Variants in ZNF610 observed in about 807,000 individuals in gnomAD.
The protein encoded by ZNF610 is zinc finger protein 610.
A neutral mutation model predicts 14.1 loss-of-function variants in ZNF610; 14 were observed. The observed-to-expected ratio is 0.99, with a 90% CI of 0.65 to 1.55. The LOEUF is 1.55. Among genes scored for constraint, ZNF610 ranks in the 40% most tolerant of loss-of-function variants. The pLI, the probability that ZNF610 is intolerant of heterozygous loss-of-function variation, is 0.00. For synonymous variants in ZNF610, 185 were observed against 187.6 expected (o/e 0.99, Z 0.11); for missense variants, 530 against 558.0 (o/e 0.95, Z 0.51).
chr19:52,352,900 T>C (rs1449133482), intron 3 of ZNF610, among the ~76,000 whole-genome samples: 1 of 152,166 alleles, frequency 6.6e-6, no homozygotes, highest in East Asian at 1.9e-4. Flanking sequence ...AGTAATTTCT[T>C]AAGGTATGTC....
chr19:52,343,564 CA>C (rs34089619), intron 1 of ZNF610, among the ~76,000 whole-genome samples: 120,569 of 150,114 alleles, frequency 0.8, 49,153 homozygotes, highest in Non-Finnish European at 0.89. Flanking sequence ...GAGACTGTCT[CA>C]AAAAAAAAAA....
At chr19:52,348,314 G>C (rs1985063389) in intron 2 of ZNF610, 1 of 152,124 alleles carries the variant, frequency 6.6e-6, no homozygotes, top group African/African-American at 2.4e-5. Flanking sequence ...ATTTTTAATG[G>C]ATTAATGAAA....
At chr19:52,353,585 C>A in intron 3 of ZNF610, 97 bp from the exon 4 acceptor site, 1 of 1,326,418 alleles carries the variant, frequency 7.5e-7, no homozygotes, top group Non-Finnish European at 1.0e-6. Flanking sequence ...TAATGATCTG[C>A]CATTTTTAAT....
At chr19:52,339,857 C>G (rs1456614323) in intron 1 of ZNF610, among the ~76,000 whole-genome samples, 1 of 152,146 alleles carries the variant, frequency 6.6e-6, no homozygotes, top group African/African-American at 2.4e-5. Flanking sequence ...TGGGGTTTCT[C>G]CATGTTGGTC....
chr19:52,340,844 C>T (rs1374739790), intron 1 of ZNF610, among the ~76,000 whole-genome samples: 4 of 152,044 alleles, frequency 2.6e-5, no homozygotes, highest in Non-Finnish European at 5.9e-5. Flanking sequence ...CCACGCCTGG[C>T]TAATTTGTGT....
Position 52,367,537 on chromosome 19 carries a change from G to T in ZNF610, c.*770G>T, listed in dbSNP as rs910081934. ...GAATAATAACCCATTATGATTTTAA[G>T]GTTGAAGCAGCCAGAAAAGTGTGTG... On this transcript the variant is annotated 3_prime_UTR_variant, in exon 6 of 6. Transcript: ENST00000403906. 1.3e-5 allele frequency: 2 copies of T among 152,158 alleles called. No homozygotes were observed. The highest frequency in any genetic ancestry group is 4.8e-5 in the African/African-American group (2 of 41,432). 9.4% of individuals were successfully genotyped at this position (152,158 alleles called of 1,614,324 possible). A position where few individuals can be genotyped will look rare whatever the true frequency, so the allele number is the denominator to read the frequency against.
rs777069971 is a variant in ZNF610, at chr19:52,365,913, T to C, written c.535T>C (p.Tyr179His). The C allele has an allele frequency of 4.9e-5, 79 of 1,612,576 alleles. No homozygotes were observed. The highest frequency in any genetic ancestry group is 6.2e-5 in the Non-Finnish European group (73 of 1,179,360). ...SSFTTHIFNK[Y>H]RNDLIDFPLL... ...TTTCACAACACACATTTTTAATAAA[T>C]ATAGAAATGATCTTATTGATTTCCC... Residue 179 changes from tyrosine to histidine, a missense_variant, in exon 6 of 6, where the codon TAT (tyrosine) becomes CAT (histidine). Transcript: ENST00000403906.
intron 1 of ZNF610, among the ~76,000 whole-genome samples, chr19:52,339,981 A>G (rs937122644): frequency 6.6e-6 from 1 of 152,162 alleles, no homozygotes; most frequent in African/African-American, 2.4e-5. Flanking sequence ...TTTTATCTGC[A>G]TCTAAACTGA....
chr19:52,365,111 G>C (rs1191551206), intron 5 of ZNF610, among the ~76,000 whole-genome samples: 2 of 152,050 alleles, frequency 1.3e-5, no homozygotes, highest in African/African-American at 2.4e-5. Context: ...AGACGAACGT[G>C]GTGGCGTGCG....
intron 5 of ZNF610, among the ~76,000 whole-genome samples, chr19:52,358,392 C>T (rs1285257455): frequency 6.6e-6 from 1 of 152,192 alleles, no homozygotes; most frequent in Non-Finnish European, 1.5e-5. Context: ...CCATGTTCAC[C>T]AGGATGGTCT....
intron 5 of ZNF610, among the ~76,000 whole-genome samples, chr19:52,360,056 G>C (rs751490335): frequency 1.3e-5 from 2 of 152,198 alleles, no homozygotes; most frequent in Non-Finnish European, 2.9e-5. Context: ...CATCCAGGAA[G>C]CTCCATGTGT....
Position 52,349,188 on chromosome 19 carries a change from G to A in ZNF610, c.16G>A (p.Glu6Lys). MLCDE[E>K]AQKRKAKESG... ...ATAAACAGTCATGCTATGTGATGAA[G>A]AAGCCCAGAAGAGGAAAGCAAAGGA... Residue 6 changes from glutamate (E) to lysine (K), a missense_variant, in exon 3 of 6, where the codon GAA becomes AAA. By Grantham distance (56) the Glu-to-Lys change is moderately conservative (BLOSUM62 1). Coordinates refer to ENST00000403906, the MANE Select transcript of ZNF610 (RefSeq NM_001161425.2). The A allele has an allele frequency of 6.2e-7, 1 of 1,613,570 alleles. No homozygotes were observed. The highest frequency in any genetic ancestry group is 8.5e-7 in the Non-Finnish European group (1 of 1,179,942).
chr19:52,338,079 T>C (rs1984467506), intron 1 of ZNF610, among the ~76,000 whole-genome samples: 1 of 152,348 alleles, frequency 6.6e-6, no homozygotes, highest in Admixed American at 6.5e-5. Context: ...GTAATTTAAC[T>C]CAATTTCACA....
chr19:52,363,482 C>T (rs10412822), intron 5 of ZNF610, among the ~76,000 whole-genome samples: 2,440 of 152,230 alleles, frequency 0.016, 47 homozygotes, highest in African/African-American at 0.051. Context: ...ACTACTATAT[C>T]GTGGAGCTAT....
chr19:52,366,505 A>T lies in ZNF610; in HGVS notation c.1127A>T (p.Glu376Val), dbSNP rs1258857645. The change falls in exon 6 of 6, where the codon GAA becomes GTA. Residue 376 changes from glutamate (E) to valine (V), a missense_variant. Transcript: ENST00000403906. ...ACAGAGAAGCCCTACAAATGTAACGAATGTGGAAGAGCATTTCACAAGCGT... is the reference window on the plus strand; with the variant it reads ...ACAGAGAAGCCCTACAAATGTAACGTATGTGGAAGAGCATTTCACAAGCGT... ...HSTEKPYKCNECGRAFHKRPG... is the reference protein window; with the variant it reads ...HSTEKPYKCNVCGRAFHKRPG... 1 of 1,614,144 alleles carries T rather than the reference A, an allele frequency of 6.2e-7. No individual in the cohort carries two copies. The highest frequency in any genetic ancestry group is 1.3e-5 in the African/African-American group (1 of 74,952).
intron 1 of ZNF610, among the ~76,000 whole-genome samples, chr19:52,339,233 C>G (rs1446428832): frequency 5.3e-5 from 8 of 151,674 alleles, no homozygotes; most frequent in African/African-American, 1.9e-4. Flanking sequence ...TGCCCAAGGA[C>G]AAGCAGGAGA....
intron 5 of ZNF610, among the ~76,000 whole-genome samples, chr19:52,358,980 C>T (rs919822012): frequency 1.3e-5 from 2 of 152,152 alleles, no homozygotes; most frequent in Non-Finnish European, 2.9e-5. Flanking sequence ...TGTTTCTGGC[C>T]TGTCTGTTCT....
chr19:52,342,413 G>A (rs1186170382), intron 1 of ZNF610, among the ~76,000 whole-genome samples: 2 of 151,726 alleles, frequency 1.3e-5, no homozygotes, highest in Non-Finnish European at 2.9e-5. Flanking sequence ...TTAAATTTTT[G>A]TCCTCATCTT....
chr19:52,338,925 G>A (rs1600228682), intron 1 of ZNF610, among the ~76,000 whole-genome samples: 2 of 152,044 alleles, frequency 1.3e-5, no homozygotes, highest in Admixed American at 6.6e-5. Flanking sequence ...GAGGACCCGC[G>A]CCGGCCCGGT....
Sources: allele counts gnomAD v4.1 joint callset (sites outside exome capture counted in the v4.1 genomes callset), GRCh38; gene constraint gnomAD v4.1.1; transcripts MANE v1.5; gene names NCBI Gene and HGNC (gene_info 2026-07-23, HGNC 2026-07-21).